The following MEIKIN variants were observed in gnomAD, a reference collection of about 807,000 sequenced individuals.
MEIKIN encodes the protein meiotic kinetochore factor.
intron 4 of MEIKIN, among the ~76,000 whole-genome samples, chr5:131,938,165 C>CTTT (rs3043872): frequency 7.1e-5 from 9 of 126,636 alleles, no homozygotes; most frequent in African/African-American, 9.0e-5. Context: ...CCCTCACCCC[C>CTTT]TTTTTTTTTT....
chr5:131,827,509 G>A (rs1021005466), intron 11 of MEIKIN, among the ~76,000 whole-genome samples: 62 of 152,246 alleles, frequency 4.1e-4, no homozygotes, highest in African/African-American at 1.4e-3. Flanking sequence ...CTATGAGAAG[G>A]TTGAAAATAA....
chr5:131,842,505 T>C (rs1410421800), intron 11 of MEIKIN, among the ~76,000 whole-genome samples: 3 of 152,236 alleles, frequency 2.0e-5, no homozygotes, highest in Admixed American at 1.3e-4. Context: ...GTTTTTATCA[T>C]TAAAAATTTT....
At chr5:131,829,634 T>C (rs770195664) in intron 11 of MEIKIN, among the ~76,000 whole-genome samples, 8 of 152,146 alleles carry the variant, frequency 5.3e-5, no homozygotes, top group East Asian at 1.9e-4. Flanking sequence ...ATGGGTTGAA[T>C]TGTGTTCTCC....
chr5:131,841,463 T>C (rs760316648), intron 11 of MEIKIN, among the ~76,000 whole-genome samples: 1 of 152,184 alleles, frequency 6.6e-6, no homozygotes, highest in African/African-American at 2.4e-5. Flanking sequence ...TCTATACCAG[T>C]ACCATACTGT....
At chr5:131,942,730 T>C (rs1751894257) in intron 3 of MEIKIN, 35 bp from the exon 4 acceptor site, 1 of 397,638 alleles carries the variant, frequency 2.5e-6, no homozygotes, top group South Asian at 1.3e-4. Flanking sequence ...ATAGCAAAAT[T>C]ATGAGATTGA....
intron 8 of MEIKIN, among the ~76,000 whole-genome samples, chr5:131,889,143 G>A (rs1483855776): frequency 2.0e-5 from 3 of 152,088 alleles, no homozygotes; most frequent in Non-Finnish European, 2.9e-5. Context: ...GTTAGGTAGC[G>A]TGATGCCTCC....
chr5:131,885,612 C>T (rs1007028371), intron 8 of MEIKIN, among the ~76,000 whole-genome samples: 1 of 152,170 alleles, frequency 6.6e-6, no homozygotes, highest in African/African-American at 2.4e-5. Flanking sequence ...GATCACAACA[C>T]CCAAGTCCTT....
At chr5:131,893,207 G>C (rs1279639231) in intron 8 of MEIKIN, among the ~76,000 whole-genome samples, 2 of 152,244 alleles carry the variant, frequency 1.3e-5, no homozygotes, top group Non-Finnish European at 2.9e-5. Flanking sequence ...TACAGAGGCA[G>C]GCAGGCCTCC....
At chr5:131,923,773 G>C (rs1751545166) in intron 5 of MEIKIN, among the ~76,000 whole-genome samples, 1 of 150,348 alleles carries the variant, frequency 6.7e-6, no homozygotes, top group Non-Finnish European at 1.5e-5. Flanking sequence ...TAATTTCCTT[G>C]TTTCAAGATT....
At chr5:131,907,426 G>A (rs1018006809) in intron 8 of MEIKIN, among the ~76,000 whole-genome samples, 1 of 151,332 alleles carries the variant, frequency 6.6e-6, no homozygotes, top group African/African-American at 2.4e-5. Flanking sequence ...GCCAGACTAA[G>A]AAACAAGAGA....
chr5:131,834,209 C>T (rs1749760525), intron 11 of MEIKIN, among the ~76,000 whole-genome samples: 1 of 152,120 alleles, frequency 6.6e-6, no homozygotes, highest in African/African-American at 2.4e-5. Context: ...CAGCTTTTCT[C>T]AGGTATAATT....
chr5:131,943,412 T>A, intron 3 of MEIKIN, among the ~76,000 whole-genome samples: 1 of 152,196 alleles, frequency 6.6e-6, no homozygotes, highest in South Asian at 2.1e-4. Context: ...GGTAACAATG[T>A]GAGGTACACA....
chr5:131,890,680 T>C (rs1028201720), intron 8 of MEIKIN, among the ~76,000 whole-genome samples: 4 of 152,240 alleles, frequency 2.6e-5, no homozygotes, highest in Admixed American at 6.5e-5. Context: ...CCTGGATTCA[T>C]TGATTTTTTG....
At chr5:131,875,588 C>A (rs530529941) in intron 9 of MEIKIN, among the ~76,000 whole-genome samples, 2 of 152,154 alleles carry the variant, frequency 1.3e-5, no homozygotes, top group Non-Finnish European at 2.9e-5. Flanking sequence ...TTTATAGATT[C>A]AATGCCATCC....
chr5:131,943,275 C>A (rs1450455529), intron 3 of MEIKIN, among the ~76,000 whole-genome samples: 1 of 152,058 alleles, frequency 6.6e-6, no homozygotes, highest in Admixed American at 6.5e-5. Context: ...ATCTATCTAT[C>A]TATTTCATAT....
chr5:131,810,759 A>T (rs1580853956), intron 12 of MEIKIN, among the ~76,000 whole-genome samples: 1 of 152,144 alleles, frequency 6.6e-6, no homozygotes, highest in African/African-American at 2.4e-5. Flanking sequence ...CGACTTACCC[A>T]CACCACCTCC....
intron 5 of MEIKIN, 138 bp downstream of exon 5, chr5:131,933,375 G>A: frequency 5.3e-6 from 2 of 376,652 alleles, no homozygotes; most frequent in Non-Finnish European, 9.4e-6. Context: ...AACACAACGG[G>A]TAATGGTCAG....
intron 12 of MEIKIN, among the ~76,000 whole-genome samples, chr5:131,807,522 A>T (rs1772867431): frequency 6.6e-6 from 1 of 152,228 alleles, no homozygotes; most frequent in Non-Finnish European, 1.5e-5. Context: ...AGCCCAGCAA[A>T]AATTGCTGTC....
At chr5:131,874,180 C>A (rs1319234786) in intron 9 of MEIKIN, among the ~76,000 whole-genome samples, 4 of 152,104 alleles carry the variant, frequency 2.6e-5, no homozygotes, top group Non-Finnish European at 5.9e-5. Flanking sequence ...CACAAAAAAA[C>A]CCTTCGAAAA....
Sources: gnomAD v4.1 joint callset for allele counts (sites outside exome capture counted in the v4.1 genomes callset) on GRCh38, gnomAD v4.1.1 for gene constraint, MANE v1.5 for transcripts, NCBI Gene and HGNC (gene_info 2026-07-23, HGNC 2026-07-21) for gene names.